The following NHS variants were observed in gnomAD, a reference collection of about 807,000 sequenced individuals.
NHS encodes the protein actin remodeling regulator NHS.
In NHS, 5 loss-of-function variants were observed where a neutral mutation model predicts 72.5. The observed-to-expected ratio is 0.07, with a 90% CI of 0.04 to 0.14. The LOEUF (loss-of-function observed/expected upper bound fraction) is 0.14, where lower values mean the gene tolerates loss of function less well. Among genes scored for constraint, NHS ranks in the 10% least tolerant of loss-of-function variants. The pLI is 1.00. For synonymous variants in NHS, 464 were observed against 547.7 expected, an observed-to-expected ratio of 0.85 and a Z score of 2.13; for missense variants, 1,072 against 1,355.7, an observed-to-expected ratio of 0.79 and a Z score of 3.29.
At chrX:17,715,913 G>T (rs887448443) in intron 3 of NHS, among the ~76,000 whole-genome samples, 1 of 111,602 alleles carries the variant, frequency 9.0e-6, no homozygotes, top group East Asian at 2.8e-4. Flanking sequence ...CTCTGAATCT[G>T]CAGACCATCT....
Position 17,375,528 on chromosome X carries a change from C to A in NHS, c.-230C>A. ...CTAAATTTCTGTGCGGAGCGCTTGT[C>A]ATCCTCCCCAGGGAACGGTGCACCC... On this transcript the variant is annotated 5_prime_UTR_variant, in exon 1 of 9. Coordinates refer to ENST00000676302, the MANE Select transcript of NHS (RefSeq NM_001291867.2). 1 of 414,371 alleles carries A rather than the reference C, an allele frequency of 2.4e-6. No individual in the cohort carries two copies. Among genetic ancestry groups the A allele is most frequent in the South Asian group, 4.0e-5 (1 of 25,022 alleles). 34.1% of individuals were successfully genotyped at this position (414,371 alleles called of 1,213,427 possible).
intron 1 of NHS, among the ~76,000 whole-genome samples, chrX:17,509,317 C>T (rs2065075015): frequency 9.0e-6 from 1 of 110,834 alleles, no homozygotes; most frequent in African/African-American, 3.3e-5. Context: ...ACCTCCGCCT[C>T]CCAGGTTCAA....
At position 17,723,777 on chromosome X, in the gene NHS, G is replaced by GCA. The variant is rs1446590152; in HGVS notation, c.1109-521_1109-520insAC. Among the ~76,000 whole-genome samples the GCA allele has an allele frequency of 1.8e-3, 193 of 106,429 alleles. 4 individuals carry two copies. The highest frequency in any genetic ancestry group is 6.5e-3 in the African/African-American group (184 of 28,125). 92.4% of individuals were successfully genotyped at this position (106,429 alleles called of 115,157 possible). A position where few individuals can be genotyped will look rare whatever the true frequency, so the allele number is the denominator to read the frequency against. ...TGTGTGTGTGTGTGTGTGTGCGCGC[G>GCA]CGTGCGCGCATGGGGAATGCAAGAA... On this transcript the variant is annotated intron_variant, in intron 5 of 8. Transcript: ENST00000676302.
At chrX:17,502,949 A>C (rs1305834407) in intron 1 of NHS, among the ~76,000 whole-genome samples, 1 of 111,633 alleles carries the variant, frequency 9.0e-6, no homozygotes, top group Non-Finnish European at 1.9e-5. Context: ...GTTTCTCTAC[A>C]TCCCACTTTC....
chrX:17,712,253 GTA>G (rs1216194040), intron 3 of NHS, among the ~76,000 whole-genome samples: 3,264 of 49,861 alleles, frequency 0.065, 176 homozygotes, highest in African/African-American at 0.14. Flanking sequence ...TTGTGTGTGT[GTA>G]TATATATATA....
chrX:17,386,270 C>A (rs766872332), intron 1 of NHS, among the ~76,000 whole-genome samples: 1 of 111,824 alleles, frequency 8.9e-6, no homozygotes, highest in Non-Finnish European at 1.9e-5. Flanking sequence ...TCAATTCCTT[C>A]AACCAGGCTT....
intron 1 of NHS, among the ~76,000 whole-genome samples, chrX:17,612,041 G>T (rs1439823544): frequency 9.7e-6 from 1 of 102,678 alleles, no homozygotes; most frequent in African/African-American, 3.7e-5. Flanking sequence ...TTCTAGGATT[G>T]CCCCCTACAC....
chrX:17,382,496 G>A (rs943261169), intron 1 of NHS, among the ~76,000 whole-genome samples: 1 of 112,087 alleles, frequency 8.9e-6, no homozygotes, highest in Non-Finnish European at 1.9e-5. Flanking sequence ...CAACCTCGAG[G>A]TCATGAAGAT....
chrX:17,494,110 A>C (rs2065002538), intron 1 of NHS, among the ~76,000 whole-genome samples: 1 of 73,001 alleles, frequency 1.4e-5, no homozygotes, highest in Non-Finnish European at 2.6e-5. Flanking sequence ...ACAGAATTTC[A>C]CTCTATCACC....
At chrX:17,423,228 A>T (rs759363367) in intron 1 of NHS, among the ~76,000 whole-genome samples, 1 of 112,385 alleles carries the variant, frequency 8.9e-6, no homozygotes, top group Non-Finnish European at 1.9e-5. Flanking sequence ...ATGGCTTTTC[A>T]TGTATTTGTT....
At chrX:17,649,637 G>A (rs114217327) in intron 1 of NHS, among the ~76,000 whole-genome samples, 6,226 of 110,290 alleles carry the variant, frequency 0.056, 421 homozygotes, top group African/African-American at 0.19. Flanking sequence ...GCTATAAATC[G>A]AGAGGGATTA....
At chrX:17,655,958 T>C (rs1253010355) in intron 1 of NHS, among the ~76,000 whole-genome samples, 1 of 105,604 alleles carries the variant, frequency 9.5e-6, no homozygotes, top group East Asian at 3.0e-4. Flanking sequence ...TCCTGCGATC[T>C]CTCTTTTTGC....
intron 1 of NHS, among the ~76,000 whole-genome samples, chrX:17,588,906 GGAAT>G (rs2065588877): frequency 9.0e-6 from 1 of 111,720 alleles, no homozygotes; most frequent in Admixed American, 9.5e-5. Context: ...CATGAGATTG[GGAAT>G]CACGGATCTG....
chrX:17,724,474 G>C (rs1176396635), intron 6 of NHS, 44 bp downstream of exon 6: 1 of 1,193,966 alleles, frequency 8.4e-7, no homozygotes, highest in African/African-American at 1.8e-5. Flanking sequence ...CCTCCGCCTA[G>C]TACAGATGAT....
chrX:17,695,943 G>A (rs1369531745), intron 3 of NHS, among the ~76,000 whole-genome samples: 140 of 71,730 alleles, frequency 2.0e-3, no homozygotes, highest in African/African-American at 0.013. Flanking sequence ...AAAAAAAAAA[G>A]GGGGGGGGTA....
intron 1 of NHS, among the ~76,000 whole-genome samples, chrX:17,656,429 T>G (rs1245827986): frequency 9.8e-5 from 11 of 111,682 alleles, no homozygotes; most frequent in African/African-American, 3.3e-4. Flanking sequence ...TTAAACTAAT[T>G]TCTCGCACCT....
intron 1 of NHS, among the ~76,000 whole-genome samples, chrX:17,610,202 C>T (rs964470511): frequency 1.8e-5 from 2 of 111,849 alleles, no homozygotes; most frequent in African/African-American, 6.5e-5. Flanking sequence ...TGGAAGGAGA[C>T]TTCTCTTGAA....
In NHS at chrX:17,534,129, C is replaced by T. The variant is rs1423694934; in HGVS notation, c.566-153613C>T. On this transcript the variant is annotated intron_variant, in intron 1 of 8. Transcript: ENST00000676302. ...GTGTGTGTGTGTGTGTGTGCATACA[C>T]ACGTGTGTCTACTCTCACATTAACA... Among the ~76,000 whole-genome samples, 4 of 105,312 alleles carry T rather than the reference C, an allele frequency of 3.8e-5. No homozygotes were observed. The East Asian group carries it at 8.8e-4, about 23-fold the overall frequency. The allele number at this position is 105,312 out of a possible 115,157, so 91.5% of individuals were successfully genotyped here.
At position 17,708,144 on chromosome X, in the gene NHS, C is replaced by A. The variant is rs988597457; in HGVS notation, c.853-11200C>A. Among the ~76,000 whole-genome samples, 3 of 111,909 alleles carry A rather than the reference C, an allele frequency of 2.7e-5. No individual in the cohort carries two copies. The Admixed American group carries it at 2.9e-4, about 11-fold the overall frequency. On this transcript the variant is annotated intron_variant, in intron 3 of 8. Transcript: ENST00000676302. ...ATCTCAGATAATTTGCTCCTTTAAACCAGTTAAGGAAAATACTAACCTTGC... is the reference window on the plus strand; with the variant it reads ...ATCTCAGATAATTTGCTCCTTTAAAACAGTTAAGGAAAATACTAACCTTGC...
Sources: gnomAD v4.1 joint callset for allele counts (sites outside exome capture counted in the v4.1 genomes callset) on GRCh38, gnomAD v4.1.1 for gene constraint, MANE v1.5 for transcripts, NCBI Gene and HGNC (gene_info 2026-07-23, HGNC 2026-07-21) for gene names.